The following RBFOX2 variants were observed in gnomAD, a reference collection of about 807,000 sequenced individuals.
The protein encoded by RBFOX2 is RNA binding protein fox-1 homolog 2.
In RBFOX2, 10 loss-of-function variants were observed where a neutral mutation model predicts 49.1. That is an observed-to-expected ratio of 0.20 (90% CI 0.13 to 0.35). The LOEUF (loss-of-function observed/expected upper bound fraction) is 0.35, where lower values mean the gene tolerates loss of function less well. Among genes scored for constraint, RBFOX2 ranks in the 10% least tolerant of loss-of-function variants. The probability of loss-of-function intolerance (pLI) is 1.00; values close to 1 mark genes in which losing one functional copy is unlikely to be tolerated. For synonymous variants in RBFOX2, 183 were observed against 187.4 expected (o/e 0.98, Z 0.19); for missense variants, 323 against 486.9 (o/e 0.66, Z 3.17).
rs951809629 is a variant in RBFOX2, at chr22:35,749,821, G to A, written c.888-3260C>T. Among the ~76,000 whole-genome samples, 3 of 152,160 alleles carry A rather than the reference G, an allele frequency of 2.0e-5. No individual in the cohort carries two copies. Among genetic ancestry groups the A allele is most frequent in the African/African-American group, 7.2e-5 (3 of 41,428 alleles). ...GAGGTAGAAGAGACAGGGTTCAGGCGTGGGGAGGGATATGGCGCCACATTT... is the reference window on the plus strand; with the variant it reads ...GAGGTAGAAGAGACAGGGTTCAGGCATGGGGAGGGATATGGCGCCACATTT... On this transcript the variant is annotated intron_variant, in intron 9 of 11. Coordinates refer to ENST00000405409, the Ensembl canonical transcript of RBFOX2. This position sits in a 1 kb window ranked among gnomAD's most constrained non-coding sequence, Gnocchi z 4.1.
chr22:35,853,605 A>G (rs2149004023), intron 1 of RBFOX2, among the ~76,000 whole-genome samples: 1 of 152,210 alleles, frequency 6.6e-6, no homozygotes, highest in Non-Finnish European at 1.5e-5. Flanking sequence ...ATATGTCCAC[A>G]CATTATATAT....
intron 2 of RBFOX2, among the ~76,000 whole-genome samples, chr22:35,807,114 T>A (rs996548002): frequency 4.6e-5 from 7 of 152,214 alleles, no homozygotes; most frequent in African/African-American, 9.7e-5. Flanking sequence ...CTTTCTTTTT[T>A]AAATTTTGTT....
intron 1 of RBFOX2, among the ~76,000 whole-genome samples, chr22:35,974,371 A>AT (rs1491328545): frequency 1.3e-5 from 2 of 152,166 alleles, no homozygotes; most frequent in African/African-American, 4.8e-5. Flanking sequence ...TAACACCAGA[A>AT]TTGCCACTGG....
intron 1 of RBFOX2, among the ~76,000 whole-genome samples, chr22:35,888,127 C>T (rs1194971260): frequency 1.3e-5 from 2 of 152,158 alleles, no homozygotes; most frequent in Non-Finnish European, 2.9e-5. Context: ...TGTACTTATT[C>T]CTCTCCTGCA....
chr22:35,744,083 T>TTTTG (rs970560630), exon 12 of RBFOX2: 8 of 832,026 alleles, frequency 9.6e-6, no homozygotes, highest in African/African-American at 3.5e-5. Context: ...TTGTGTTTTT[T>TTTTG]TTTGTTTGTT....
At chr22:35,854,911 AC>A (rs1757505243) in intron 1 of RBFOX2, among the ~76,000 whole-genome samples, 1 of 152,156 alleles carries the variant, frequency 6.6e-6, no homozygotes, top group Non-Finnish European at 1.5e-5. Context: ...AAAACACACT[AC>A]AAAAAATCAA....
intron 1 of RBFOX2, among the ~76,000 whole-genome samples, chr22:35,907,662 T>C (rs1005834529): frequency 2.6e-5 from 4 of 152,100 alleles, no homozygotes; most frequent in African/African-American, 9.7e-5. Flanking sequence ...CGATTTTTTT[T>C]TTTGAAACAG....
chr22:35,809,404 A>G (rs184025396), intron 2 of RBFOX2, among the ~76,000 whole-genome samples: 1 of 152,330 alleles, frequency 6.6e-6, no homozygotes. Context: ...GATGAAAGAA[A>G]GAAAGAAAGA....
chr22:35,826,710 C>T (rs1198905245), intron 1 of RBFOX2, among the ~76,000 whole-genome samples: 2 of 152,180 alleles, frequency 1.3e-5, no homozygotes, highest in Non-Finnish European at 2.9e-5. Context: ...AGATTCCTAA[C>T]ACTGCAGATA....
At chr22:35,740,937 TC>T in exon 12 of RBFOX2, 1 of 152,332 alleles carries the variant, frequency 6.6e-6, no homozygotes, top group Non-Finnish European at 1.5e-5. Flanking sequence ...AAAGCTGCTA[TC>T]GATGACTTCT....
In RBFOX2 at chr22:35,768,667, A is replaced by AT. The variant is rs560593332; in HGVS notation, c.454-319dup. 1.2e-3 allele frequency among the ~76,000 whole-genome samples: 184 copies of AT among 152,278 alleles called. 1 individual carries two copies. The highest frequency in any genetic ancestry group is 4.0e-3 in the African/African-American group (167 of 41,562). ...AAACTATTCAACCAAAAATCTGAAG[A>AT]TTTTTTAATGCCCTACCTTTCTCTC... On this transcript the variant is annotated intron_variant, in intron 4 of 11. Coordinates refer to ENST00000405409, the Ensembl canonical transcript of RBFOX2.
intron 1 of RBFOX2, chr22:35,961,530 C>T (rs2056206915): frequency 7.7e-7 from 1 of 1,303,494 alleles, no homozygotes; most frequent in South Asian, 1.2e-5. Context: ...ACTCCCACTC[C>T]ACCACCCCCC....
upstream of RBFOX2, among the ~76,000 whole-genome samples, chr22:35,840,950 AG>A (rs1159789224): frequency 2.0e-5 from 3 of 152,258 alleles, no homozygotes; most frequent in African/African-American, 7.2e-5. Flanking sequence ...TTCAAGGAAC[AG>A]GAATATGCAA....
chr22:35,939,824 C>T (rs993231737), upstream of RBFOX2, among the ~76,000 whole-genome samples: 5 of 151,854 alleles, frequency 3.3e-5, no homozygotes, highest in African/African-American at 1.2e-4. Flanking sequence ...ATTTTCCAAG[C>T]ACTGTTAGTC....
chr22:35,855,365 T>A (rs948005925), intron 1 of RBFOX2, among the ~76,000 whole-genome samples: 4 of 152,190 alleles, frequency 2.6e-5, no homozygotes, highest in Non-Finnish European at 5.9e-5. Context: ...TAGTCCTTCA[T>A]GTATATTTCC....
chr22:35,817,538 G>C (rs1953394095), intron 1 of RBFOX2, among the ~76,000 whole-genome samples: 1 of 151,784 alleles, frequency 6.6e-6, no homozygotes, highest in African/African-American at 2.4e-5. Context: ...ATGAGAGGAA[G>C]GCAACAGTGG....
At chr22:35,920,659 T>C (rs909616790) in intron 1 of RBFOX2, among the ~76,000 whole-genome samples, 2 of 152,264 alleles carry the variant, frequency 1.3e-5, no homozygotes, top group Middle Eastern at 3.4e-3. Context: ...AAGCATATCA[T>C]GAAATCAAAA....
In RBFOX2 at chr22:35,749,291, A is replaced by G. The variant is rs1465164843; in HGVS notation, c.888-2730T>C. Among the ~76,000 whole-genome samples, 1 of 152,224 alleles carries G rather than the reference A, an allele frequency of 6.6e-6. No individual in the cohort carries two copies. Among genetic ancestry groups the G allele is most frequent in the South Asian group, 2.1e-4 (1 of 4,834 alleles). On this transcript the variant is annotated intron_variant, in intron 9 of 11. Transcript: ENST00000405409. This position sits in a 1 kb window ranked among gnomAD's most constrained non-coding sequence, Gnocchi z 4.1. ...GCTCAAGAATATCAGCACTAAGAAA[A>G]AACACATGAAGAGTTTTTTTTAAAG...
intron 1 of RBFOX2, among the ~76,000 whole-genome samples, chr22:35,904,064 T>C (rs2149468464): frequency 6.6e-6 from 1 of 152,288 alleles, no homozygotes; most frequent in East Asian, 1.9e-4. Context: ...GACACTGATT[T>C]TGTGTCAATT....
Sources: allele counts gnomAD v4.1 joint callset (sites outside exome capture counted in the v4.1 genomes callset), GRCh38; gene constraint gnomAD v4.1.1; non-coding constraint Gnocchi (gnomAD v3.1); transcripts MANE v1.5; gene names NCBI Gene and HGNC (gene_info 2026-07-23, HGNC 2026-07-21).